The following MYO7A variants were observed in gnomAD, a reference collection of about 807,000 sequenced individuals.
The protein encoded by MYO7A is unconventional myosin-VIIa.
In MYO7A, 210 loss-of-function variants were observed where a neutral mutation model predicts 263.8. The observed-to-expected ratio is 0.80, with a 90% CI of 0.71 to 0.89. MYO7A has a LOEUF of 0.89. Among genes scored for constraint, MYO7A ranks in the 40% least tolerant of loss-of-function variants. The pLI is 0.00. For missense variants in MYO7A, 2,820 were observed against 2,968.3 expected, an observed-to-expected ratio of 0.95 and a Z score of 1.16; for synonymous variants, 1,239 against 1,197.3, an observed-to-expected ratio of 1.03 and a Z score of -0.72.
intron 15 of MYO7A, among the ~76,000 whole-genome samples, chr11:77,168,049 C>T (rs1953723421): frequency 6.6e-6 from 1 of 152,198 alleles, no homozygotes; most frequent in South Asian, 2.1e-4. Context: ...GCTCTGGCCT[C>T]TCCCACTCTT....
intron 18 of MYO7A, 88 bp downstream of exon 18, chr11:77,175,552 G>A: frequency 8.0e-7 from 1 of 1,245,362 alleles, no homozygotes; most frequent in Non-Finnish European, 1.2e-6. Context: ...GGGAGGCAGT[G>A]CTGGGGCTTT....
intron 35 of MYO7A, 22 bp from the exon 36 acceptor site, chr11:77,201,426 C>T (rs368740957): frequency 1.2e-6 from 2 of 1,606,430 alleles, no homozygotes; most frequent in African/African-American, 2.7e-5. Context: ...CCCCCATGGT[C>T]CCACTCACCT....
rs782554973 is a variant in MYO7A at position 77,162,906 on chromosome 11, C to T, written c.1608C>T (p.Ala536=). 6.2e-7 allele frequency: 1 copy of T among 1,613,684 alleles called. No individual in the cohort carries two copies. The highest frequency in any genetic ancestry group is 1.3e-5 in the African/African-American group (1 of 74,842). ...HKLNSQHKLN[A]NYIPPKNNHE... is the part of the protein sequence containing the mutation. ...TGAACTCCCAGCACAAGCTCAACGC[C>T]AACTACATCCCCCCCAAGAACAACC... The change falls in exon 14 of 49, where the codon GCC becomes GCT. Residue 536 remains alanine, a synonymous_variant. Coordinates refer to ENST00000409709, the MANE Select transcript of MYO7A (RefSeq NM_000260.4).
chr11:77,203,590 G>A (rs1241176990), intron 38 of MYO7A, among the ~76,000 whole-genome samples: 1 of 152,230 alleles, frequency 6.6e-6, no homozygotes, highest in African/African-American at 2.4e-5. Context: ...CCTGGAGGAA[G>A]TGGTATCTAG....
chr11:77,144,089 A>T (rs190760918), intron 3 of MYO7A, among the ~76,000 whole-genome samples: 4 of 152,286 alleles, frequency 2.6e-5, no homozygotes, highest in African/African-American at 9.6e-5. Context: ...TGGTGCTGGG[A>T]TTAGAACCCA....
rs776930594 is a variant in MYO7A, at chr11:77,211,330, G to A, written c.6230G>A (p.Trp2077Ter). ...DLIRQVSPDD[W>*]KRSIVAYFNK... is the part of the protein sequence containing the mutation. ...ATCCGGCAGGTCTCACCTGATGACT[G>A]GAAGCGGGTGAGCATGGGGTGGGCA... is the stretch of plus-strand genomic sequence containing the variant. The change falls in exon 45 of 49, where the codon TGG becomes TAG. Residue 2077 changes from tryptophan to a stop codon, truncating the protein, a stop_gained. Transcript: ENST00000409709. LOFTEE classifies it high-confidence loss of function. The A allele has an allele frequency of 9.5e-6, 15 of 1,578,884 alleles. No individual in the cohort carries two copies. The highest frequency in any genetic ancestry group is 1.3e-5 in the Non-Finnish European group (15 of 1,162,562).
intron 26 of MYO7A, 70 bp downstream of exon 26, chr11:77,183,227 C>T (rs1955406330): frequency 7.5e-7 from 1 of 1,333,126 alleles, no homozygotes. Flanking sequence ...TGGAGCACAG[C>T]TGAGCTGGGG....
intron 29 of MYO7A, 119 bp from the exon 30 acceptor site, chr11:77,190,578 T>TGCTGGGGCCCGGAGC: frequency 1.9e-6 from 2 of 1,049,180 alleles, no homozygotes; most frequent in Non-Finnish European, 2.8e-6. Context: ...CCCAGTGAGG[T>TGCTGGGGCCCGGAGC]ACTGGGGCCT....
At chr11:77,184,920 G>T (rs913034184) in intron 27 of MYO7A, 2 of 858,586 alleles carry the variant, frequency 2.3e-6, no homozygotes, top group Non-Finnish European at 3.9e-6. Context: ...TCCTAAAACA[G>T]GCATCCCTTG....
rs929778737 is a variant in MYO7A at position 77,204,096 on chromosome 11, G to A, written c.5347G>A (p.Asp1783Asn). The A allele has an allele frequency of 6.2e-6, 10 of 1,601,346 alleles. No individual in the cohort carries two copies. Among genetic ancestry groups the A allele is most frequent in the African/African-American group, 4.0e-5 (3 of 74,530 alleles). ...AFIAVLKYMGDYPSKRTRSVN... is the reference protein window; with the variant it reads ...AFIAVLKYMGNYPSKRTRSVN... ...CCCAGCTGTGCTCAAGTACATGGGCGACTACCCGTCCAAGAGGACACGCTC... is the reference window on the plus strand; with the variant it reads ...CCCAGCTGTGCTCAAGTACATGGGCAACTACCCGTCCAAGAGGACACGCTC... The change falls in exon 39 of 49, where the codon GAC (aspartate) becomes AAC (asparagine). Residue 1783 changes from aspartate (D) to asparagine (N), a missense_variant. Physicochemically the swap from Asp to Asn is conservative, Grantham distance 23 (BLOSUM62 1). Coordinates refer to ENST00000409709, the MANE Select transcript of MYO7A (RefSeq NM_000260.4).
At chr11:77,146,375 C>T (rs1372948828) in intron 3 of MYO7A, among the ~76,000 whole-genome samples, 4 of 152,218 alleles carry the variant, frequency 2.6e-5, no homozygotes, top group African/African-American at 9.6e-5. Flanking sequence ...TCAGGAAAGG[C>T]CCAGGGGACG....
At chr11:77,158,452 C>A (rs199992691) in intron 9 of MYO7A, 22 bp downstream of exon 9, 8 of 1,606,218 alleles carry the variant, frequency 5.0e-6, no homozygotes, top group Non-Finnish European at 3.4e-6. Context: ...CCACACTCGC[C>A]CTGCCCCACC....
chr11:77,179,989 C>A (rs1399288523), intron 21 of MYO7A, 36 bp downstream of exon 21: 5 of 1,497,246 alleles, frequency 3.3e-6, no homozygotes, highest in Non-Finnish European at 4.5e-6. Context: ...ACAGCTCTGA[C>A]CCCTGGGCGA....
At chr11:77,197,676 G>A (rs907458551) in intron 33 of MYO7A, 78 bp downstream of exon 33, 1 of 962,194 alleles carries the variant, frequency 1.0e-6, no homozygotes, top group South Asian at 1.5e-5. Flanking sequence ...CAGGTACCCC[G>A]CAGCCTGCAA....
intron 12 of MYO7A, among the ~76,000 whole-genome samples, chr11:77,161,745 A>G (rs1555068925): frequency 6.6e-6 from 1 of 152,008 alleles, no homozygotes; most frequent in South Asian, 2.1e-4. Context: ...GCCACTTTTG[A>G]TGTCCCTGTA....
At position 77,201,491 on chromosome 11, in the gene MYO7A, C is replaced by T; in HGVS notation, c.4896C>T (p.Leu1632=). The T allele has an allele frequency of 6.2e-7, 1 of 1,613,992 alleles. No homozygotes were observed. The highest frequency in any genetic ancestry group is 8.5e-7 in the Non-Finnish European group (1 of 1,179,892). The change falls in exon 36 of 49, where the codon CTC becomes CTT. Residue 1632 remains leucine (L), a synonymous_variant. Transcript: ENST00000409709. ...TCCTCAGCTTTGCCAAGGGAGACCT[C>T]ATCATCCTGGACCATGACACGGGCG... ...SGFLSFAKGD[L]IILDHDTGEQ...
chr11:77,213,730 T>C, intron 47 of MYO7A, 130 bp from the exon 48 acceptor site: 1 of 1,323,236 alleles, frequency 7.6e-7, no homozygotes, highest in Non-Finnish European at 1.0e-6. Flanking sequence ...CGCAGCTGGA[T>C]GGCAGAGCTG....
intron 2 of MYO7A, among the ~76,000 whole-genome samples, chr11:77,142,021 A>G (rs1372226827): frequency 6.6e-6 from 1 of 152,234 alleles, no homozygotes; most frequent in Non-Finnish European, 1.5e-5. Flanking sequence ...TGTTGAATCC[A>G]TCAGTGCTGA....
At chr11:77,178,731 A>G (rs1954894665) in intron 19 of MYO7A, among the ~76,000 whole-genome samples, 1 of 152,214 alleles carries the variant, frequency 6.6e-6, no homozygotes, top group Non-Finnish European at 1.5e-5. Flanking sequence ...TGAGGAAGTT[A>G]GACTGTTCAA....
Sources: gnomAD v4.1 joint callset for allele counts (sites outside exome capture counted in the v4.1 genomes callset) on GRCh38, gnomAD v4.1.1 for gene constraint, MANE v1.5 for transcripts, NCBI Gene and HGNC (gene_info 2026-07-23, HGNC 2026-07-21) for gene names.